Variants in IQGAP1 observed in about 807,000 individuals in gnomAD.
IQGAP1 encodes the protein IQ motif containing GTPase activating protein 1, also known as ras GTPase-activating-like protein IQGAP1.
IQGAP1 carries 66 observed loss-of-function variants against 215.6 expected under a neutral mutation model. The observed-to-expected ratio is 0.31, with a 90% confidence interval of 0.25 to 0.38. IQGAP1 has a LOEUF of 0.38. IQGAP1 is among the 10% of genes least tolerant of loss of function. IQGAP1 has a pLI of 1.00. For synonymous variants in IQGAP1, 772 were observed against 728.7 expected, an observed-to-expected ratio of 1.06 and a Z score of -0.96; for missense variants, 1,712 against 1,997.1, an observed-to-expected ratio of 0.86 and a Z score of 2.72.
intron 2 of IQGAP1, among the ~76,000 whole-genome samples, chr15:90,396,894 C>T (rs910639473): frequency 6.6e-6 from 1 of 151,858 alleles, no homozygotes; most frequent in South Asian, 2.1e-4. Flanking sequence ...GCTCTGTTGC[C>T]CAGGCTGGAG....
In IQGAP1 at chr15:90,498,743, G is replaced by A. The variant is rs544039846; in HGVS notation, c.4861-1252G>A. 3.9e-5 allele frequency among the ~76,000 whole-genome samples: 6 copies of A among 152,146 alleles called. No individual in the cohort carries two copies. The East Asian group carries it at 1.2e-3, about 29-fold the overall frequency. ...ATTCACTGCAACCTCCACCTCGTGG[G>A]TTCAAGTGATTCTCCTGCCTCAGCC... On this transcript the variant is annotated intron_variant, in intron 37 of 37. Coordinates refer to ENST00000268182, the MANE Select transcript of IQGAP1 (RefSeq NM_003870.4).
chr15:90,497,134 C>A, intron 36 of IQGAP1, 98 bp from the exon 37 acceptor site: 1 of 663,714 alleles, frequency 1.5e-6, no homozygotes, highest in Non-Finnish European at 2.6e-6. Flanking sequence ...CAGCCCTTTT[C>A]ACTCTTGAAG....
intron 17 of IQGAP1, 138 bp downstream of exon 17, chr15:90,466,574 G>A: frequency 2.6e-6 from 2 of 781,674 alleles, no homozygotes; most frequent in South Asian, 2.0e-5. Flanking sequence ...TTTTAAAGGA[G>A]ATAAAATCCC....
At chr15:90,474,358 G>A in intron 22 of IQGAP1, 127 bp from the exon 23 acceptor site, 6 of 842,630 alleles carry the variant, frequency 7.1e-6, no homozygotes, top group Non-Finnish European at 1.2e-5. Context: ...GACTGCACCT[G>A]ATAGTTGTCT....
chr15:90,484,682 T>G (rs1356953439), intron 30 of IQGAP1, among the ~76,000 whole-genome samples: 1 of 152,062 alleles, frequency 6.6e-6, no homozygotes, highest in Non-Finnish European at 1.5e-5. Context: ...CTAAATTTTT[T>G]GAATTTTTGG....
At position 90,461,023 on chromosome 15, in the gene IQGAP1, A is replaced by G. The variant is rs1400978963; in HGVS notation, c.1776+4708A>G. ...TTAAAAAAAAAAAAAAAAAAAAAAA[A>G]GGGCTGGGCGCAGTGCCTCATCCCT... On this transcript the variant is annotated intron_variant, in intron 15 of 37. Transcript: ENST00000268182. Among the ~76,000 whole-genome samples, 115 of 126,874 alleles carry G rather than the reference A, an allele frequency of 9.1e-4. 1 individual carries two copies. Among genetic ancestry groups the G allele is most frequent in the African/African-American group, 3.7e-3 (113 of 30,866 alleles). 83.2% of individuals were successfully genotyped at this position (126,874 alleles called of 152,430 possible). A position where few individuals can be genotyped will look rare whatever the true frequency, so the allele number is the denominator to read the frequency against.
chr15:90,454,685 C>A, intron 14 of IQGAP1, 133 bp downstream of exon 14: 2 of 967,846 alleles, frequency 2.1e-6, no homozygotes, highest in Non-Finnish European at 2.9e-6. Flanking sequence ...ACACAAAAGG[C>A]TAAAGTTGGA....
At chr15:90,477,637 G>A (rs1464209567) in intron 25 of IQGAP1, 28 bp from the exon 26 acceptor site, 8 of 1,519,614 alleles carry the variant, frequency 5.3e-6, no homozygotes, top group Non-Finnish European at 7.3e-6. Context: ...TTTGTGACAA[G>A]TTTAAATTTT....
intron 24 of IQGAP1, 85 bp from the exon 25 acceptor site, chr15:90,476,982 G>T: frequency 7.2e-7 from 1 of 1,397,062 alleles, no homozygotes; most frequent in Non-Finnish European, 1.0e-6. Flanking sequence ...CATATGTATT[G>T]TAGTCCTTCA....
rs1965451841 is a variant in IQGAP1 at position 90,441,621 on chromosome 15, A to G, written c.765A>G (p.Ala255=). 29 of 1,613,896 alleles carry G rather than the reference A, an allele frequency of 1.8e-5. No homozygotes were observed. The highest frequency in any genetic ancestry group is 2.4e-5 in the Non-Finnish European group (28 of 1,179,918). Residue 255 remains alanine, a synonymous_variant, in exon 8 of 38, where the codon GCA becomes GCG. Transcript: ENST00000268182. ...AMLVNLEEPL[A]STYQDILYQA... is the part of the protein sequence containing the mutation. The stretch of plus-strand genomic sequence containing the variant: ...TTGTAAATCTTGAAGAGCCCTTGGC[A>G]TCCACTTACCAGGATATACTTTACC...
At chr15:90,488,633 C>G (rs370480594) in intron 33 of IQGAP1, among the ~76,000 whole-genome samples, 45 of 152,066 alleles carry the variant, frequency 3.0e-4, no homozygotes, top group African/African-American at 9.6e-4. Flanking sequence ...ATGTTACTGA[C>G]TGAAAAATAA....
At chr15:90,403,392 T>A (rs1179991915) in intron 2 of IQGAP1, among the ~76,000 whole-genome samples, 2 of 152,250 alleles carry the variant, frequency 1.3e-5, no homozygotes, top group African/African-American at 4.8e-5. Flanking sequence ...GAATGTTTTT[T>A]AGATAGATTT....
In IQGAP1 at chr15:90,492,590, C is replaced by G; in HGVS notation, c.4507C>G (p.Leu1503Val). The G allele has an allele frequency of 6.2e-7, 1 of 1,613,158 alleles. No homozygotes were observed. The change falls in exon 35 of 38, where the codon CTA (leucine) becomes GTA (valine). Residue 1503 changes from leucine to valine, a missense_variant. Leu to Val is a conservative substitution (Grantham distance 32). This residue lies in a region of IQGAP1 where 691 missense variants were observed against 923.0 expected (regional missense o/e 0.75). Coordinates refer to ENST00000268182, the MANE Select transcript of IQGAP1 (RefSeq NM_003870.4). ...GTACCGACAGAGGAGAAAGGCCGAA[C>G]TAGTGAAACTGCAACAGACATACGC... ...RRYRQRRKAE[L>V]VKLQQTYAAL...
intron 33 of IQGAP1, among the ~76,000 whole-genome samples, chr15:90,488,075 G>A (rs1225814905): frequency 1.3e-5 from 2 of 151,998 alleles, no homozygotes; most frequent in African/African-American, 4.8e-5. Context: ...CAAAAAATTA[G>A]CCAGGCTAGG....
intron 21 of IQGAP1, 46 bp downstream of exon 21, chr15:90,474,013 T>C: frequency 6.2e-7 from 1 of 1,607,814 alleles, no homozygotes; most frequent in Non-Finnish European, 8.5e-7. Flanking sequence ...AATTTTGCCA[T>C]ATTTTTGGTA....
At position 90,483,512 on chromosome 15, in the gene IQGAP1, C is replaced by T; in HGVS notation, c.3707C>T (p.Ala1236Val). 3 of 1,614,210 alleles carry T rather than the reference C, an allele frequency of 1.9e-6. No homozygotes were observed. The highest frequency in any genetic ancestry group is 1.7e-6 in the Non-Finnish European group (2 of 1,180,038). The part of the protein sequence containing the change: ...GSIAKMLQHA[A>V]SNKMFLGDNA... ...ATTGCAAAAATGCTTCAGCATGCTG[C>T]TTCCAATAAGATGTTTCTGGGAGAT... Residue 1236 changes from alanine (A) to valine (V), a missense_variant, in exon 29 of 38, where the codon GCT (alanine) becomes GTT (valine). Ala to Val is a moderately conservative substitution (Grantham distance 64). Around this residue, in one of 2 missense-constraint regions of IQGAP1, gnomAD observed 691 missense variants for 923.0 expected, o/e 0.75. Coordinates refer to ENST00000268182, the MANE Select transcript of IQGAP1 (RefSeq NM_003870.4).
At chr15:90,499,510 T>C (rs1385899994) in intron 37 of IQGAP1, among the ~76,000 whole-genome samples, 4 of 152,194 alleles carry the variant, frequency 2.6e-5, no homozygotes, top group African/African-American at 9.7e-5. Context: ...TAAGAATCTA[T>C]CAGATAGTAT....
chr15:90,440,717 A>G, intron 7 of IQGAP1, 102 bp downstream of exon 7: 1 of 720,586 alleles, frequency 1.4e-6, no homozygotes, highest in Non-Finnish European at 2.4e-6. Context: ...TCTTGCCAGC[A>G]AGTTTAAGTC....
In IQGAP1 at chr15:90,465,669, CTA is replaced by C. The variant is rs1965820068; in HGVS notation, c.1777-330_1777-329del. On this transcript the variant is annotated intron_variant, in intron 15 of 37. Coordinates refer to ENST00000268182, the MANE Select transcript of IQGAP1 (RefSeq NM_003870.4). ...GCGTGCACCACCATGCCTGGCCAAG[CTA>C]TGTTTGTTTGTTTGTTTGTTTGTTT... 3.6e-5 allele frequency among the ~76,000 whole-genome samples: 4 copies of C among 110,432 alleles called. No individual in the cohort carries two copies. In the South Asian group the frequency reaches 8.9e-4, roughly 25 times the overall value. 72.4% of individuals were successfully genotyped at this position (110,432 alleles called of 152,430 possible). A position where few individuals can be genotyped will look rare whatever the true frequency, so the allele number is the denominator to read the frequency against.
Sources: gnomAD v4.1 joint callset for allele counts (sites outside exome capture counted in the v4.1 genomes callset) on GRCh38, gnomAD v4.1.1 for gene constraint, gnomAD v4.1.1 regional missense constraint, MANE v1.5 for transcripts, NCBI Gene and HGNC (gene_info 2026-07-23, HGNC 2026-07-21) for gene names.